Variants in PKN2 observed in about 807,000 individuals in gnomAD.
The protein encoded by PKN2 is protein kinase N2, also known as serine/threonine-protein kinase N2.
Under a neutral mutation model 119.1 loss-of-function variants are expected in PKN2, and 38 were observed. That is an observed-to-expected ratio of 0.32 (90% confidence interval 0.25 to 0.42). PKN2 has a LOEUF of 0.42. Among genes scored for constraint, PKN2 ranks in the 10% least tolerant of loss-of-function variants. The pLI is 1.00. For synonymous variants in PKN2, 390 were observed against 384.9 expected (o/e 1.01, Z -0.15); for missense variants, 850 against 1,165.1 (o/e 0.73, Z 3.94).
intron 1 of PKN2, among the ~76,000 whole-genome samples, chr1:88,692,196 A>C (rs554758920): frequency 6.6e-6 from 1 of 152,256 alleles, no homozygotes; most frequent in South Asian, 2.1e-4. Flanking sequence ...ATTGCTATAT[A>C]ATATTTCATT....
At chr1:88,754,517 T>TA (rs545241405) in intron 2 of PKN2, among the ~76,000 whole-genome samples, 85 of 152,334 alleles carry the variant, frequency 5.6e-4, no homozygotes, top group Non-Finnish European at 1.0e-3. Context: ...CTGGAGAAAG[T>TA]AATGCCTAAA....
chr1:88,713,019 GCAA>G (rs1337106697), intron 1 of PKN2, among the ~76,000 whole-genome samples: 4 of 151,852 alleles, frequency 2.6e-5, no homozygotes, highest in African/African-American at 9.7e-5. Flanking sequence ...GTGAGAACAT[GCAA>G]TGTTTGGTTT....
chr1:88,696,554 GCTGA>G (rs760076613), intron 1 of PKN2, among the ~76,000 whole-genome samples: 2 of 152,180 alleles, frequency 1.3e-5, no homozygotes, highest in South Asian at 2.1e-4. Context: ...ATAGACCACA[GCTGA>G]CTGACTGAGT....
chr1:88,789,843 TGTTAA>T (rs2100838895), intron 8 of PKN2, among the ~76,000 whole-genome samples: 1 of 152,198 alleles, frequency 6.6e-6, no homozygotes, highest in African/African-American at 2.4e-5. Context: ...CAAATAATTA[TGTTAA>T]ATCAGTAATC....
chr1:88,698,326 T>C (rs1466255092), intron 1 of PKN2, among the ~76,000 whole-genome samples: 7 of 152,150 alleles, frequency 4.6e-5, no homozygotes, highest in Non-Finnish European at 8.8e-5. Flanking sequence ...TGACAGAGAT[T>C]CACTCAAGGA....
At chr1:88,755,706 TTAAG>T (rs1278507673) in intron 2 of PKN2, among the ~76,000 whole-genome samples, 1 of 152,088 alleles carries the variant, frequency 6.6e-6, no homozygotes, top group Admixed American at 6.5e-5. Context: ...CACAGAGATG[TTAAG>T]TAAGTATATA....
At chr1:88,760,146 A>G in intron 2 of PKN2, 76 bp from the exon 3 acceptor site, 2 of 822,192 alleles carry the variant, frequency 2.4e-6, no homozygotes, top group East Asian at 2.7e-5. Context: ...AATGCTGTTT[A>G]TTTGAAAAAT....
At chr1:88,803,429 C>T (rs1671411588) in intron 8 of PKN2, among the ~76,000 whole-genome samples, 1 of 151,916 alleles carries the variant, frequency 6.6e-6, no homozygotes, top group Non-Finnish European at 1.5e-5. Flanking sequence ...TTTGTAGAGC[C>T]TTAAAAGGAG....
At chr1:88,716,953 T>G (rs1667481255) in intron 1 of PKN2, among the ~76,000 whole-genome samples, 1 of 152,232 alleles carries the variant, frequency 6.6e-6, no homozygotes. Context: ...TTTCCATGTT[T>G]AGTGCTTCCT....
chr1:88,828,713 A>G, intron 19 of PKN2, 90 bp downstream of exon 19: 2 of 1,058,250 alleles, frequency 1.9e-6, no homozygotes, highest in Non-Finnish European at 2.7e-6. Flanking sequence ...TACTGTCTTC[A>G]GTATGAGTGG....
rs531219983 is a variant in PKN2 at position 88,740,596 on chromosome 1, G to A, written c.49-392G>A. On this transcript the variant is annotated intron_variant, in intron 1 of 21. Transcript: ENST00000370521. ...AAAAGGTGGCTACTATTATTATTTA[G>A]ATTTTGTAGACTATTAAAACTGAGT... Among the ~76,000 whole-genome samples, 12 of 152,172 alleles carry A rather than the reference G, an allele frequency of 7.9e-5. No homozygotes were observed. In the South Asian group the frequency reaches 2.5e-3, roughly 32 times the overall value.
At chr1:88,766,568 C>CT (rs1263211293) in intron 3 of PKN2, among the ~76,000 whole-genome samples, 5 of 152,088 alleles carry the variant, frequency 3.3e-5, no homozygotes, top group Non-Finnish European at 5.9e-5. Context: ...TAGTTCATTA[C>CT]TTTAGTGTGT....
intron 20 of PKN2, 34 bp from the exon 21 acceptor site, chr1:88,833,043 T>A: frequency 6.5e-7 from 1 of 1,542,502 alleles, no homozygotes; most frequent in South Asian, 1.2e-5. Context: ...TTCTATTGGT[T>A]TTATTTTAAC....
chr1:88,817,096 A>G (rs1672025366), intron 16 of PKN2, among the ~76,000 whole-genome samples: 1 of 152,124 alleles, frequency 6.6e-6, no homozygotes, highest in Non-Finnish European at 1.5e-5. Flanking sequence ...GACACCACAA[A>G]AAAAGAAAAT....
chr1:88,773,740 C>G (rs1264198210), intron 6 of PKN2, among the ~76,000 whole-genome samples: 2 of 152,284 alleles, frequency 1.3e-5, no homozygotes, highest in Non-Finnish European at 2.9e-5. Context: ...GATTCCACCA[C>G]TGCACTCCAG....
intron 15 of PKN2, among the ~76,000 whole-genome samples, chr1:88,809,731 C>T (rs995550316): frequency 1.3e-5 from 2 of 152,174 alleles, no homozygotes; most frequent in Non-Finnish European, 2.9e-5. Flanking sequence ...AAGCCATCCT[C>T]CTGCCTCAGC....
chr1:88,741,562 A>G (rs1466082073), intron 2 of PKN2, among the ~76,000 whole-genome samples: 1 of 152,154 alleles, frequency 6.6e-6, no homozygotes, highest in East Asian at 1.9e-4. Context: ...AGTCTCCAGT[A>G]TTAATGTTTT....
chr1:88,689,771 A>G (rs906567508), intron 1 of PKN2, among the ~76,000 whole-genome samples: 1 of 152,186 alleles, frequency 6.6e-6, no homozygotes, highest in Non-Finnish European at 1.5e-5. Context: ...AGATCACGCA[A>G]CTGCACTCCA....
chr1:88,810,702 G>A (rs2100888763), intron 15 of PKN2, among the ~76,000 whole-genome samples: 1 of 152,172 alleles, frequency 6.6e-6, no homozygotes, highest in East Asian at 1.9e-4. Context: ...CGCCTCCCGG[G>A]TTCAAGCGAT....
Sources: gnomAD v4.1 joint callset for allele counts (sites outside exome capture counted in the v4.1 genomes callset) on GRCh38, gnomAD v4.1.1 for gene constraint, MANE v1.5 for transcripts, NCBI Gene and HGNC (gene_info 2026-07-23, HGNC 2026-07-21) for gene names.